The following SLC17A2 variants were observed in gnomAD, a reference collection of about 807,000 sequenced individuals.
SLC17A2 encodes the protein solute carrier family 17 member 2.
A neutral mutation model predicts 52.1 loss-of-function variants in SLC17A2; 38 were observed. The ratio of observed to expected loss-of-function variants is 0.73; its 90% CI spans 0.56 to 0.96. SLC17A2 has a LOEUF of 0.96. SLC17A2 is among the 40% of genes least tolerant of loss of function. The pLI is 0.00. For synonymous variants in SLC17A2, 226 were observed against 211.9 expected (o/e 1.07, Z -0.58); for missense variants, 508 against 583.9 (o/e 0.87, Z 1.34).
At position 25,923,923 on chromosome 6, in the gene SLC17A2, A is replaced by G; in HGVS notation, c.29-17T>C. On this transcript the variant is annotated splice_polypyrimidine_tract_variant and intron_variant, in intron 2 of 11. Transcript: ENST00000377850. Reference sequence around the variant, plus strand: ...AATCTGGACCTAGACAACAACACAGATGTATGTAGTGAGCATCCTGACTGA... The same window carrying G: ...AATCTGGACCTAGACAACAACACAGGTGTATGTAGTGAGCATCCTGACTGA... The G allele has an allele frequency of 1.9e-6, 3 of 1,603,068 alleles. No individual in the cohort carries two copies. Among genetic ancestry groups the G allele is most frequent in the Non-Finnish European group, 2.6e-6 (3 of 1,170,812 alleles).
In SLC17A2 at chr6:25,923,783, T is replaced by G; in HGVS notation, c.152A>C (p.Gln51Pro). 6.2e-7 allele frequency: 1 copy of G among 1,614,184 alleles called. No homozygotes were observed. The highest frequency in any genetic ancestry group is 8.5e-7 in the Non-Finnish European group (1 of 1,180,014). The part of the protein sequence containing the change: ...AIIAMVNTTQ[Q>P]QGLSNASTEG... ...AGTGGAGGCATTAGATAGACCTTGC[T>G]GCTGAGTGGTGTTCACCATGGCGAT... Residue 51 changes from glutamine to proline, a missense_variant, in exon 3 of 12, where the codon CAG (glutamine) becomes CCG (proline). Gln to Pro is a moderately conservative substitution (Grantham distance 76, BLOSUM62 -1). Transcript: ENST00000377850.
intron 2 of SLC17A2, among the ~76,000 whole-genome samples, chr6:25,925,057 T>C (rs919752934): frequency 5.9e-5 from 9 of 152,112 alleles, no homozygotes; most frequent in African/African-American, 1.9e-4. Flanking sequence ...GATAAAAATA[T>C]AATGGAAGAA....
intron 10 of SLC17A2, among the ~76,000 whole-genome samples, chr6:25,915,149 G>GTGTATAAATATATATATATATATA (rs749697702): frequency 5.2e-5 from 3 of 57,898 alleles, no homozygotes; most frequent in South Asian, 5.3e-4. Flanking sequence ...TATTGTGACT[G>GTGTATAAATATATATATATATATA]TATATATATA....
At chr6:25,915,261 C>G (rs1766265029) in intron 10 of SLC17A2, among the ~76,000 whole-genome samples, 1 of 148,826 alleles carries the variant, frequency 6.7e-6, no homozygotes, top group Admixed American at 6.7e-5. Flanking sequence ...AGTTCAATCT[C>G]TGTTAGGGAA....
At chr6:25,914,469 T>C (rs1431325028) in intron 11 of SLC17A2, 111 bp downstream of exon 11, 2 of 704,804 alleles carry the variant, frequency 2.8e-6, no homozygotes, top group Non-Finnish European at 2.5e-6. Context: ...ATTTAGAGGC[T>C]CATGTAAATA....
intron 10 of SLC17A2, among the ~76,000 whole-genome samples, chr6:25,915,149 G>GTA (rs59580107): frequency 0.099 from 5,698 of 57,802 alleles, 700 homozygotes; most frequent in Non-Finnish European, 0.17. Flanking sequence ...TATTGTGACT[G>GTA]TATATATATA....
chr6:25,916,772 A>C lies in SLC17A2; in HGVS notation c.843T>G (p.Gly281=), dbSNP rs745763789. 1.2e-6 allele frequency: 2 copies of C among 1,614,016 alleles called. No homozygotes were observed. The highest frequency in any genetic ancestry group is 2.2e-5 in the East Asian group (1 of 44,866). Residue 281 remains glycine (G), a synonymous_variant, in exon 8 of 12, where the codon GGT becomes GGG. Coordinates refer to ENST00000377850, the MANE Select transcript of SLC17A2 (RefSeq NM_001286123.3). The part of the protein sequence containing the change: ...TCLPLWAIFL[G]FFSHFWLCTI... The stretch of plus-strand genomic sequence containing the variant: ...TGCACAACCAGAAATGGCTGAAAAA[A>C]CCCAGGAAAATGGCCCAAAGTGGTA...
chr6:25,921,420 A>C lies in SLC17A2; in HGVS notation c.241-8T>G, dbSNP rs748914437. On this transcript the variant is annotated splice_polypyrimidine_tract_variant and splice_region_variant and intron_variant, in intron 3 of 11. Coordinates refer to ENST00000377850, the MANE Select transcript of SLC17A2 (RefSeq NM_001286123.3). ...CCATTGATACACAGAGGCCTGGGGG[A>C]AAAATAGGAAAACTCTTTGTCAAGA... is the stretch of plus-strand genomic sequence containing the variant. 9.5e-6 allele frequency: 15 copies of C among 1,586,584 alleles called. No individual in the cohort carries two copies. The Admixed American group carries it at 2.5e-4, about 27-fold the overall frequency.
chr6:25,923,189 AAAACAAAC>A (rs148714825), intron 3 of SLC17A2, among the ~76,000 whole-genome samples: 4 of 152,052 alleles, frequency 2.6e-5, no homozygotes, highest in South Asian at 2.1e-4. Flanking sequence ...TCTATCTCAA[AAAACAAAC>A]AAACAAACAA....
Position 25,920,569 on chromosome 6 carries a change from G to A in SLC17A2, c.562+437C>T, listed in dbSNP as rs933844388. On this transcript the variant is annotated intron_variant, in intron 5 of 11. Coordinates refer to ENST00000377850, the MANE Select transcript of SLC17A2 (RefSeq NM_001286123.3). ...TGAGCTCATAATAGAATAGTAAAGA[G>A]CTTAGAATAATACAGAAACTTCAAA... 5.5e-4 allele frequency among the ~76,000 whole-genome samples: 83 copies of A among 152,198 alleles called. 1 individual carries two copies. The highest frequency in any genetic ancestry group is 5.4e-3 in the Admixed American group (83 of 15,276).
In SLC17A2 at chr6:25,914,624, C is replaced by T. The variant is rs545778071; in HGVS notation, c.1258G>A (p.Ala420Thr). Residue 420 changes from alanine (A) to threonine (T), a missense_variant, in exon 11 of 12, where the codon GCA becomes ACA. Ala to Thr is a moderately conservative substitution (Grantham distance 58, BLOSUM62 0). Coordinates refer to ENST00000377850, the MANE Select transcript of SLC17A2 (RefSeq NM_001286123.3). ...GTGGCAGTGGAAGAGATGATTCCTG[C>T]GATGAGCCCAAATCCCCTTGAGATT... ...MGISRGFGLI[A>T]GIISSTATGF... 1.8e-5 allele frequency: 29 copies of T among 1,613,140 alleles called. 1 individual carries two copies. The highest frequency in any genetic ancestry group is 1.4e-4 in the South Asian group (13 of 91,060).
At chr6:25,922,594 G>A (rs1766599815) in intron 3 of SLC17A2, among the ~76,000 whole-genome samples, 1 of 152,252 alleles carries the variant, frequency 6.6e-6, no homozygotes, top group Non-Finnish European at 1.5e-5. Flanking sequence ...ACGGGATAAT[G>A]GAGGAAAGAC....
intron 1 of SLC17A2, among the ~76,000 whole-genome samples, chr6:25,926,774 A>G (rs1041202202): frequency 2.0e-5 from 3 of 152,138 alleles, no homozygotes; most frequent in Non-Finnish European, 4.4e-5. Context: ...GACTTTAAAA[A>G]CACATGTATC....
intron 5 of SLC17A2, among the ~76,000 whole-genome samples, chr6:25,919,695 G>T (rs1289786194): frequency 2.8e-5 from 1 of 36,076 alleles, no homozygotes; most frequent in East Asian, 1.9e-3. Flanking sequence ...GTGAGACACC[G>T]TCTCAAAAAA....
Position 25,913,115 on chromosome 6 carries a change from C to A in SLC17A2, c.*202G>T. On this transcript the variant is annotated 3_prime_UTR_variant, in exon 12 of 12. Coordinates refer to ENST00000377850, the MANE Select transcript of SLC17A2 (RefSeq NM_001286123.3). The stretch of plus-strand genomic sequence containing the variant: ...AGGAGTATCTAAAAATTAGTAGTAT[C>A]TGGGTTCCACCCCAGACCAATTCAT... 2 of 551,262 alleles carry A rather than the reference C, an allele frequency of 3.6e-6. No homozygotes were observed. The highest frequency in any genetic ancestry group is 5.8e-5 in the South Asian group (2 of 34,398). 34.1% of individuals were successfully genotyped at this position (551,262 alleles called of 1,614,324 possible). A position where few individuals can be genotyped will look rare whatever the true frequency, so the allele number is the denominator to read the frequency against.
Position 25,914,560 on chromosome 6 carries a change from G to A in SLC17A2, c.1302+20C>T. The A allele has an allele frequency of 6.6e-7, 1 of 1,507,524 alleles. No homozygotes were observed. Among genetic ancestry groups the A allele is most frequent in the Non-Finnish European group, 9.2e-7 (1 of 1,082,352 alleles). The allele number at this position is 1,507,524 out of a possible 1,614,324, so 93.4% of individuals were successfully genotyped here. On this transcript the variant is annotated intron_variant, in intron 11 of 11. Transcript: ENST00000377850. ...AAAACAATACCTGCCACTTGAAGAT[G>A]TTCAATAAACTGGCCCAACCTGACT...
At chr6:25,913,590 T>G (rs1766184572) in intron 11 of SLC17A2, 139 bp from the exon 12 acceptor site, 1 of 796,336 alleles carries the variant, frequency 1.3e-6, no homozygotes, top group Non-Finnish European at 1.9e-6. Flanking sequence ...TAAGAAAGTT[T>G]ATGAAACTAT....
intron 3 of SLC17A2, among the ~76,000 whole-genome samples, chr6:25,921,616 A>G (rs920040574): frequency 6.6e-6 from 1 of 152,226 alleles, no homozygotes; most frequent in Non-Finnish European, 1.5e-5. Flanking sequence ...GAAGAAATGA[A>G]GAAAAGAGGT....
intron 11 of SLC17A2, 121 bp from the exon 12 acceptor site, chr6:25,913,572 T>C: frequency 1.1e-6 from 1 of 920,348 alleles, no homozygotes; most frequent in Non-Finnish European, 1.6e-6. Context: ...CAATGTGCAG[T>C]AGTTACTTAA....
Sources: allele counts gnomAD v4.1 joint callset (sites outside exome capture counted in the v4.1 genomes callset), GRCh38; gene constraint gnomAD v4.1.1; transcripts MANE v1.5; gene names NCBI Gene and HGNC (gene_info 2026-07-23, HGNC 2026-07-21).